The following CEP120 variants were observed in gnomAD, a reference collection of about 807,000 sequenced individuals.
The protein encoded by CEP120 is centrosomal protein 120.
A neutral mutation model predicts 126.5 loss-of-function variants in CEP120; 113 were observed. That is an observed-to-expected ratio of 0.89 (90% CI 0.77 to 1.04). The LOEUF (loss-of-function observed/expected upper bound fraction) is 1.04, where lower values mean the gene tolerates loss of function less well. Among genes scored for constraint, CEP120 ranks in the 50% least tolerant of loss-of-function variants. The pLI, the probability that CEP120 is intolerant of heterozygous loss-of-function variation, is 0.00. For synonymous variants in CEP120, 400 were observed against 394.3 expected, an observed-to-expected ratio of 1.01 and a Z score of -0.17; for missense variants, 1,230 against 1,155.7, an observed-to-expected ratio of 1.06 and a Z score of -0.93.
At chr5:123,359,411 A>G (rs1251611340) in intron 18 of CEP120, among the ~76,000 whole-genome samples, 1 of 152,096 alleles carries the variant, frequency 6.6e-6, no homozygotes, top group Non-Finnish European at 1.5e-5. Flanking sequence ...ATATTCTAAG[A>G]TGTCAAGAAA....
intron 17 of CEP120, among the ~76,000 whole-genome samples, chr5:123,367,418 G>A (rs902009573): frequency 6.6e-6 from 1 of 151,444 alleles, no homozygotes; most frequent in African/African-American, 2.4e-5. Context: ...ATATATATAT[G>A]TATGTATGTA....
intron 4 of CEP120, among the ~76,000 whole-genome samples, chr5:123,405,754 G>T (rs1389642358): frequency 6.6e-6 from 1 of 151,624 alleles, no homozygotes; most frequent in Non-Finnish European, 1.5e-5. Flanking sequence ...CCTATTTACA[G>T]CAGTTCCTTT....
intron 18 of CEP120, chr5:123,358,108 G>C (rs1249908730): frequency 6.6e-6 from 1 of 152,078 alleles, no homozygotes; most frequent in Non-Finnish European, 1.5e-5. Context: ...AATATTTATA[G>C]AGAATGACTC....
At chr5:123,390,336 G>C in intron 7 of CEP120, 196 bp from the exon 8 acceptor site, 1 of 652,264 alleles carries the variant, frequency 1.5e-6, no homozygotes, top group Admixed American at 2.1e-5. Context: ...GAGGAAATAT[G>C]ATATCCAGAG....
chr5:123,391,411 G>A, intron 6 of CEP120, 74 bp from the exon 7 acceptor site: 1 of 1,200,238 alleles, frequency 8.3e-7, no homozygotes, highest in Non-Finnish European at 1.2e-6. Flanking sequence ...AACTTAATAA[G>A]AAGTTGTAAA....
rs2303719 is a variant in CEP120, at chr5:123,346,460, T to G, written c.*59A>C. ...ACATCCATTTTCCTCACTTTTGAGG[T>G]TTTTACAAAGAAATTAAAATTTAGA... On this transcript the variant is annotated 3_prime_UTR_variant, in exon 20 of 20. Coordinates refer to ENST00000306467, the MANE Select transcript of CEP120 (RefSeq NM_001375405.1). 902,101 of 1,299,740 alleles carry G rather than the reference T, an allele frequency of 0.69. 314,436 individuals are homozygous for G. Among genetic ancestry groups the G allele is most frequent in the Middle Eastern group, 0.74 (3,893 of 5,238 alleles). 80.5% of individuals were successfully genotyped at this position (1,299,740 alleles called of 1,614,324 possible).
chr5:123,406,573 T>C lies in CEP120; in HGVS notation c.463+5826A>G, dbSNP rs531054356. On this transcript the variant is annotated intron_variant, in intron 4 of 19. Transcript: ENST00000306467. ...CAAGCAAGAAGGGTAGAGTGAAGTA[T>C]TTACAATGTTGAGAAAAAAAAAAAA... is the stretch of plus-strand genomic sequence containing the variant. Among the ~76,000 whole-genome samples, 328 of 137,022 alleles carry C rather than the reference T, an allele frequency of 2.4e-3. 2 individuals are homozygous for C. Among genetic ancestry groups the C allele is most frequent in the African/African-American group, 8.8e-3 (319 of 36,204 alleles). 89.9% of individuals were successfully genotyped at this position (137,022 alleles called of 152,430 possible). A position where few individuals can be genotyped will look rare whatever the true frequency, so the allele number is the denominator to read the frequency against.
chr5:123,357,422 C>G (rs1458840406), intron 18 of CEP120, among the ~76,000 whole-genome samples: 3 of 152,072 alleles, frequency 2.0e-5, no homozygotes, highest in Non-Finnish European at 2.9e-5. Flanking sequence ...TATACCACTT[C>G]TCTAATACAT....
chr5:123,390,881 C>A, intron 7 of CEP120: 2 of 406,404 alleles, frequency 4.9e-6, no homozygotes, highest in Non-Finnish European at 8.7e-6. Context: ...TGGGTTTCCA[C>A]TACACAAAAA....
chr5:123,376,455 A>G (rs1283671938), intron 16 of CEP120, among the ~76,000 whole-genome samples: 1 of 152,130 alleles, frequency 6.6e-6, no homozygotes, highest in Admixed American at 6.5e-5. Flanking sequence ...TGATCTATGC[A>G]GAGGCCTGCA....
chr5:123,418,300 T>C lies in CEP120; in HGVS notation c.206+59A>G, dbSNP rs1047892812. The C allele has an allele frequency of 2.8e-6, 4 of 1,454,040 alleles. No homozygotes were observed. The South Asian group carries it at 4.2e-5, about 15-fold the overall frequency. 90.1% of individuals were successfully genotyped at this position (1,454,040 alleles called of 1,614,324 possible). On this transcript the variant is annotated intron_variant, in intron 2 of 19. Coordinates refer to ENST00000306467, the MANE Select transcript of CEP120 (RefSeq NM_001375405.1). ...TATTAAATACTCAAACTGTATTTAT[T>C]TATAACAGCCTGAAAAATAAGAAAC...
rs1562041268 is a variant in CEP120 at position 123,383,017 on chromosome 5, ATTTT to A, written c.1825_1828del (p.Lys609CysfsTer40). On this transcript the variant is annotated frameshift_variant, in exon 12 of 20. Coordinates refer to ENST00000306467, the MANE Select transcript of CEP120 (RefSeq NM_001375405.1). LOFTEE classifies it high-confidence loss of function. ...TGAATCAGAGATAAAAATCTCACGCATTTTTACTAGTCCATAATCTTCTAGAGTC... is the reference window on the plus strand; with the variant it reads ...TGAATCAGAGATAAAAATCTCACGCATACTAGTCCATAATCTTCTAGAGTC... 1 of 1,596,098 alleles carries A rather than the reference ATTTT, an allele frequency of 6.3e-7. No homozygotes were observed. Among genetic ancestry groups the A allele is most frequent in the East Asian group, 2.2e-5 (1 of 44,728 alleles).
chr5:123,401,020 T>A, intron 4 of CEP120: 8 of 1,563,608 alleles, frequency 5.1e-6, no homozygotes, highest in Non-Finnish European at 7.0e-6. Flanking sequence ...CTGAAGGAGC[T>A]GGCGCCCAGG....
At chr5:123,360,485 G>A (rs1562003510) in intron 18 of CEP120, among the ~76,000 whole-genome samples, 2 of 151,874 alleles carry the variant, frequency 1.3e-5, no homozygotes, top group African/African-American at 4.8e-5. Flanking sequence ...AAAAAGCAAT[G>A]AGCATCTCTG....
intron 5 of CEP120, among the ~76,000 whole-genome samples, chr5:123,397,838 C>T (rs1440146050): frequency 6.6e-6 from 1 of 152,172 alleles, no homozygotes; most frequent in African/African-American, 2.4e-5. Flanking sequence ...AATCCCAGCA[C>T]CTTGCGAGGC....
At chr5:123,367,206 T>TTATC (rs1475123924) in intron 17 of CEP120, among the ~76,000 whole-genome samples, 1 of 151,944 alleles carries the variant, frequency 6.6e-6, no homozygotes, top group African/African-American at 2.4e-5. Context: ...GATTTTTCTC[T>TTATC]TATCTTTCCC....
intron 18 of CEP120, among the ~76,000 whole-genome samples, chr5:123,354,260 G>T (rs1471194316): frequency 6.6e-6 from 1 of 152,078 alleles, no homozygotes; most frequent in East Asian, 1.9e-4. Context: ...ACTGTGGTCA[G>T]AGAACATATT....
At chr5:123,410,039 A>G (rs2115167) in intron 4 of CEP120, among the ~76,000 whole-genome samples, 105,778 of 147,332 alleles carry the variant, frequency 0.72, 38,251 homozygotes, top group African/African-American at 0.78. Context: ...AAGGTTATAA[A>G]ATACAAAGTT....
At chr5:123,377,623 T>G in intron 15 of CEP120, 88 bp from the exon 16 acceptor site, 1 of 983,180 alleles carries the variant, frequency 1.0e-6, no homozygotes, top group Non-Finnish European at 1.5e-6. Context: ...TACACTCAAA[T>G]GTTGAGGATA....
Sources: gnomAD v4.1 joint callset for allele counts (sites outside exome capture counted in the v4.1 genomes callset) on GRCh38, gnomAD v4.1.1 for gene constraint, MANE v1.5 for transcripts, NCBI Gene and HGNC (gene_info 2026-07-23, HGNC 2026-07-21) for gene names.